The following PDPR variants were observed in gnomAD, a reference collection of about 807,000 sequenced individuals.
The protein encoded by PDPR is pyruvate dehydrogenase phosphatase regulatory subunit, mitochondrial.
Under a neutral mutation model 102.2 loss-of-function variants are expected in PDPR, and 50 were observed. That is an observed-to-expected ratio of 0.49 (90% CI 0.39 to 0.62). The LOEUF is 0.62. PDPR is among the 20% of genes least tolerant of loss of function. PDPR has a pLI of 0.00. For synonymous variants in PDPR, 259 were observed against 406.0 expected (o/e 0.64, Z 4.35); for missense variants, 625 against 1,098.2 (o/e 0.57, Z 6.09).
intron 3 of PDPR, among the ~76,000 whole-genome samples, chr16:70,122,013 G>C (rs1468807443): frequency 6.6e-6 from 1 of 152,116 alleles, no homozygotes. Context: ...TTGAAATGGA[G>C]TCTGGCTCTG....
At chr16:70,145,603 G>A in intron 15 of PDPR, 1 of 364,220 alleles carries the variant, frequency 2.7e-6, no homozygotes, top group South Asian at 2.1e-5. Context: ...TAGCAAATAT[G>A]ATATACGTCC....
rs1203238987 is a variant in PDPR at position 70,161,340 on chromosome 16, TAAG to T, written c.*4464_*4466del. 1 of 151,936 alleles carries T rather than the reference TAAG, an allele frequency of 6.6e-6. No individual in the cohort carries two copies. The highest frequency in any genetic ancestry group is 1.4e-5 in the Non-Finnish European group (1 of 69,040). 9.4% of individuals were successfully genotyped at this position (151,936 alleles called of 1,614,324 possible). On this transcript the variant is annotated 3_prime_UTR_variant, in exon 19 of 19. Transcript: ENST00000288050. ...TTGGTCAACAGTGCTTAATAATAAA[TAAG>T]AACCTCCTGCCATTCTAATTTTCCT...
At position 70,153,592 on chromosome 16, in the gene PDPR, C is replaced by T; in HGVS notation, c.2235+19C>T. Reference sequence around the variant, plus strand: ...AGAGAAGGTACTGTGTTTACCCAGACTCCACTTTCACTCAGCATCCCGAGT... The same window carrying T: ...AGAGAAGGTACTGTGTTTACCCAGATTCCACTTTCACTCAGCATCCCGAGT... On this transcript the variant is annotated intron_variant, in intron 18 of 18. Coordinates refer to ENST00000288050, the MANE Select transcript of PDPR (RefSeq NM_017990.5). 2 of 1,579,208 alleles carry T rather than the reference C, an allele frequency of 1.3e-6. No individual in the cohort carries two copies. The highest frequency in any genetic ancestry group is 1.7e-6 in the Non-Finnish European group (2 of 1,163,544).
chr16:70,128,537 A>AT (rs1964211603), intron 4 of PDPR, among the ~76,000 whole-genome samples: 3 of 152,234 alleles, frequency 2.0e-5, no homozygotes, highest in Non-Finnish European at 4.4e-5. Context: ...CTAGAATCTC[A>AT]TTTGATCCTC....
chr16:70,116,139 G>A (rs1341609882), intron 2 of PDPR, among the ~76,000 whole-genome samples: 3 of 147,868 alleles, frequency 2.0e-5, no homozygotes, highest in Non-Finnish European at 4.5e-5. Context: ...AGGCAGTGGC[G>A]CGAATCTGCC....
intron 13 of PDPR, 58 bp downstream of exon 13, chr16:70,142,744 G>A: frequency 6.2e-7 from 1 of 1,608,084 alleles, no homozygotes; most frequent in Non-Finnish European, 8.5e-7. Context: ...TTTATTGAAT[G>A]CCTTTTGTTT....
intron 11 of PDPR, among the ~76,000 whole-genome samples, chr16:70,140,608 C>G (rs1965609515): frequency 6.6e-6 from 1 of 152,186 alleles, no homozygotes; most frequent in South Asian, 2.1e-4. Context: ...CACTTGAGGT[C>G]AGGAGGTCTG....
Position 70,156,570 on chromosome 16 carries a change from A to G in PDPR, c.2331A>G (p.Ser777=). The change falls in exon 19 of 19, where the codon TCA becomes TCG. Residue 777 remains serine, a synonymous_variant. Transcript: ENST00000288050. The part of the protein sequence containing the change: ...LTMFILDDHD[S]DLDLWPWWGE... The stretch of plus-strand genomic sequence containing the variant: ...TGTTCATCCTGGACGACCATGATTC[A>G]GACCTAGACCTTTGGCCTTGGTGGG... 9.9e-6 allele frequency: 16 copies of G among 1,614,080 alleles called. No homozygotes were observed. The highest frequency in any genetic ancestry group is 1.4e-5 in the Non-Finnish European group (16 of 1,179,902).
Position 70,156,471 on chromosome 16 carries a change from T to G in PDPR, c.2236-4T>G. On this transcript the variant is annotated splice_polypyrimidine_tract_variant and splice_region_variant and intron_variant, in intron 18 of 18. Transcript: ENST00000288050. ...GATGACTCGGCGTTTCCTTTCTTTC[T>G]TAGGGCATGGATTTCATTGGTCGCG... 1 of 1,612,948 alleles carries G rather than the reference T, an allele frequency of 6.2e-7. No homozygotes were observed. The highest frequency in any genetic ancestry group is 8.5e-7 in the Non-Finnish European group (1 of 1,179,020).
intron 17 of PDPR, among the ~76,000 whole-genome samples, chr16:70,149,042 G>T (rs1399575542): frequency 1.3e-5 from 2 of 151,432 alleles, no homozygotes; most frequent in African/African-American, 2.4e-5. Context: ...CTGTAGGCAT[G>T]TGCCACCATG....
chr16:70,157,350 C>G lies in PDPR; in HGVS notation c.*471C>G, dbSNP rs1253213145. The G allele has an allele frequency of 2.7e-6, 1 of 376,354 alleles. No individual in the cohort carries two copies. The highest frequency in any genetic ancestry group is 3.4e-5 in the Admixed American group (1 of 29,378). 23.3% of individuals were successfully genotyped at this position (376,354 alleles called of 1,614,324 possible). On this transcript the variant is annotated 3_prime_UTR_variant, in exon 19 of 19. Coordinates refer to ENST00000288050, the MANE Select transcript of PDPR (RefSeq NM_017990.5). Reference sequence around the variant, plus strand: ...TCGGATGCAGCCCTGAGGGGCAGCTCGTGCCTGCAGCCCGGCAGCTCGTTC... The same window carrying G: ...TCGGATGCAGCCCTGAGGGGCAGCTGGTGCCTGCAGCCCGGCAGCTCGTTC...
At position 70,120,615 on chromosome 16, in the gene PDPR, C is replaced by G. The variant is rs754267127; in HGVS notation, c.123C>G (p.Thr41=). ...AAEARSMALP[T]QAQVVICGGG... ...AGGCGCGTTCCATGGCCCTGCCCAC[C>G]CAGGCACAGGTGGTCATCTGTGGAG... is the stretch of plus-strand genomic sequence containing the variant. Residue 41 remains threonine (T), a synonymous_variant, in exon 3 of 19, where the codon ACC becomes ACG. Coordinates refer to ENST00000288050, the MANE Select transcript of PDPR (RefSeq NM_017990.5). 1 of 1,613,908 alleles carries G rather than the reference C, an allele frequency of 6.2e-7. No homozygotes were observed. The highest frequency in any genetic ancestry group is 1.7e-5 in the Admixed American group (1 of 60,010).
Position 70,158,549 on chromosome 16 carries a change from C to T in PDPR, c.*1670C>T, listed in dbSNP as rs531308931. 7.6e-6 allele frequency: 1 copy of T among 131,326 alleles called. No individual in the cohort carries two copies. The highest frequency in any genetic ancestry group is 2.7e-5 in the African/African-American group (1 of 36,990). 8.1% of individuals were successfully genotyped at this position (131,326 alleles called of 1,614,324 possible). ...CTAGACCACTCCTAGTGATTACTGA[C>T]TTTAGTGCCTAAACCTTTTTGGAAG... On this transcript the variant is annotated 3_prime_UTR_variant, in exon 19 of 19. Coordinates refer to ENST00000288050, the MANE Select transcript of PDPR (RefSeq NM_017990.5).
intron 3 of PDPR, 119 bp from the exon 4 acceptor site, chr16:70,127,141 C>T (rs1408191127): frequency 1.3e-6 from 2 of 1,524,372 alleles, no homozygotes; most frequent in Admixed American, 2.2e-5. Flanking sequence ...AAGTGTGAGC[C>T]ACTGTGCCCA....
At chr16:70,134,723 C>CT (rs1432775334) in intron 9 of PDPR, among the ~76,000 whole-genome samples, 4 of 150,922 alleles carry the variant, frequency 2.7e-5, no homozygotes. Flanking sequence ...GAGGCAGAGG[C>CT]TGCAGTGGGC....
At chr16:70,129,956 CAT>C (rs1348465508) in intron 6 of PDPR, among the ~76,000 whole-genome samples, 1 of 152,272 alleles carries the variant, frequency 6.6e-6, no homozygotes, top group Non-Finnish European at 1.5e-5. Flanking sequence ...GGCCCATTTA[CAT>C]AGTCTCAGGA....
intron 3 of PDPR, among the ~76,000 whole-genome samples, chr16:70,124,590 A>G (rs1386056119): frequency 6.6e-6 from 1 of 152,254 alleles, no homozygotes; most frequent in Non-Finnish European, 1.5e-5. Flanking sequence ...AGGCATCAAT[A>G]TTTTTAAAAG....
chr16:70,150,091 C>CTTTTTTTTTTTT (rs59657802), intron 17 of PDPR, among the ~76,000 whole-genome samples: 1 of 136,330 alleles, frequency 7.3e-6, no homozygotes, highest in Non-Finnish European at 1.6e-5. Context: ...ACCCGGCCGG[C>CTTTTTTTTTTTT]TTTTTTTTTT....
In PDPR at chr16:70,118,846, G is replaced by A. The variant is rs1267847609; in HGVS notation, c.-32-1615G>A. 3.9e-5 allele frequency among the ~76,000 whole-genome samples: 6 copies of A among 152,304 alleles called. 1 individual carries two copies. The highest frequency in any genetic ancestry group is 3.9e-4 in the Admixed American group (6 of 15,300). ...GGCCAAGACAATTTGTCTCCAGTTG[G>A]ATGGGATGTCTGCCTGGACACAGTC... On this transcript the variant is annotated intron_variant, in intron 2 of 18. Coordinates refer to ENST00000288050, the MANE Select transcript of PDPR (RefSeq NM_017990.5).
Sources: gnomAD v4.1 joint callset for allele counts (sites outside exome capture counted in the v4.1 genomes callset) on GRCh38, gnomAD v4.1.1 for gene constraint, MANE v1.5 for transcripts, NCBI Gene and HGNC (gene_info 2026-07-23, HGNC 2026-07-21) for gene names.